The following DCLK1 variants were observed in gnomAD, a reference collection of about 807,000 sequenced individuals.
The protein encoded by DCLK1 is serine/threonine-protein kinase DCLK1.
DCLK1 carries 16 observed loss-of-function variants against 86.2 expected under a neutral mutation model. The observed-to-expected ratio is 0.19, with a 90% CI of 0.13 to 0.28. The LOEUF is 0.28. Ranked by LOEUF, DCLK1 falls within the 10% of genes least tolerant of loss-of-function variation. The probability of loss-of-function intolerance (pLI) is 1.00; values close to 1 mark genes in which losing one functional copy is unlikely to be tolerated. For synonymous variants in DCLK1, 369 were observed against 370.5 expected (o/e 1.00, Z 0.05); for missense variants, 590 against 940.2 (o/e 0.63, Z 4.87).
chr13:35,972,651 C>A (rs1879126372), intron 3 of DCLK1, among the ~76,000 whole-genome samples: 1 of 151,748 alleles, frequency 6.6e-6, no homozygotes, highest in South Asian at 2.1e-4. Context: ...GGGTGGGGGG[C>A]AGCACTGAGA....
chr13:35,841,035 CTAAG>C (rs528804849), intron 6 of DCLK1, among the ~76,000 whole-genome samples: 16 of 152,200 alleles, frequency 1.1e-4, no homozygotes, highest in Non-Finnish European at 1.8e-4. Flanking sequence ...CAGAAAAGCA[CTAAG>C]TAAATGTCTA....
At chr13:35,778,461 C>G (rs897426830) in intron 16 of DCLK1, among the ~76,000 whole-genome samples, 7 of 152,154 alleles carry the variant, frequency 4.6e-5, no homozygotes, top group African/African-American at 1.7e-4. Flanking sequence ...CTCCCACATT[C>G]CATGATCCTG....
chr13:35,932,907 C>T (rs1035459314), intron 4 of DCLK1, among the ~76,000 whole-genome samples: 15 of 152,224 alleles, frequency 9.9e-5, no homozygotes, highest in East Asian at 5.8e-4. Context: ...TCAGCCTTAA[C>T]TCAAAAGTCC....
In DCLK1 at chr13:36,126,058, A is replaced by T; in HGVS notation, c.80T>A (p.Val27Glu). ...KAQRYSRGSR[V>E]NGLPSPTHSA... ...GTGCGTCGGGCTCGGCAGGCCGTTC[A>T]CCCGCGACCCTCGGCTGTATCTCTG... is the stretch of plus-strand genomic sequence containing the variant. Residue 27 changes from valine (V) to glutamate (E), a missense_variant, in exon 2 of 17, where the codon GTG (valine) becomes GAG (glutamate). This residue lies in a region of DCLK1 where 50 missense variants were observed against 47.8 expected (regional missense o/e 1.05). Transcript: ENST00000360631. 1 of 1,612,950 alleles carries T rather than the reference A, an allele frequency of 6.2e-7. No homozygotes were observed. The highest frequency in any genetic ancestry group is 2.2e-5 in the East Asian group (1 of 44,870).
intron 3 of DCLK1, among the ~76,000 whole-genome samples, chr13:36,044,493 T>C (rs1425213774): frequency 1.3e-5 from 2 of 152,166 alleles, no homozygotes; most frequent in African/African-American, 2.4e-5. Context: ...GGAAGTGTAA[T>C]TGGTAGATCA....
intron 4 of DCLK1, among the ~76,000 whole-genome samples, chr13:35,877,054 T>C (rs770753554): frequency 6.6e-6 from 1 of 152,166 alleles, no homozygotes; most frequent in Non-Finnish European, 1.5e-5. Context: ...GTAAGCAACA[T>C]TGAATTAAAT....
chr13:35,924,441 G>C (rs1458232960), intron 4 of DCLK1, among the ~76,000 whole-genome samples: 2 of 152,092 alleles, frequency 1.3e-5, no homozygotes, highest in African/African-American at 4.8e-5. Context: ...CCTGAAGTCA[G>C]GGGTTTGAGA....
Position 36,112,085 on chromosome 13 carries a change from G to C in DCLK1, c.507C>G (p.Ala169=), listed in dbSNP as rs1295968429. ...ASRAVSSLAT[A]KGSPSEVREN... is the part of the protein sequence containing the mutation. ...CTCGCACCTCTGAAGGGCTTCCTTT[G>C]GCAGTGGCCAGTGAAGACACTGCCC... Residue 169 remains alanine (A), a synonymous_variant, in exon 3 of 17, where the codon GCC becomes GCG. Transcript: ENST00000360631. 6.2e-7 allele frequency: 1 copy of C among 1,614,056 alleles called. No homozygotes were observed. The highest frequency in any genetic ancestry group is 8.5e-7 in the Non-Finnish European group (1 of 1,180,046).
rs79934602 is a variant in DCLK1 at position 35,783,314 on chromosome 13, A to T, written c.2059-8615T>A. 3.3e-3 allele frequency among the ~76,000 whole-genome samples: 372 copies of T among 113,834 alleles called. 1 individual carries two copies. Among genetic ancestry groups the T allele is most frequent in the African/African-American group, 0.014 (332 of 23,712 alleles). 74.7% of individuals were successfully genotyped at this position (113,834 alleles called of 152,430 possible). On this transcript the variant is annotated intron_variant, in intron 16 of 16. Coordinates refer to ENST00000360631, the MANE Select transcript of DCLK1 (RefSeq NM_001330071.2). ...TGGAAGTGAGGGAAACAGAAAGCAA[A>T]TTTTTTTTTTTTTAGTTTCTTCTTT...
chr13:36,064,147 T>C (rs780094614), intron 3 of DCLK1, among the ~76,000 whole-genome samples: 20 of 152,208 alleles, frequency 1.3e-4, no homozygotes, highest in Non-Finnish European at 2.6e-4. Flanking sequence ...ATGCACAAGA[T>C]TTTTATTAGA....
At chr13:35,972,444 C>T (rs1332433096) in intron 3 of DCLK1, among the ~76,000 whole-genome samples, 2 of 152,142 alleles carry the variant, frequency 1.3e-5, no homozygotes, top group Non-Finnish European at 2.9e-5. Flanking sequence ...AGCTCACTAC[C>T]TCAGAGCTAC....
chr13:36,123,114 A>C (rs1886049546), intron 2 of DCLK1, among the ~76,000 whole-genome samples: 1 of 152,214 alleles, frequency 6.6e-6, no homozygotes, highest in African/African-American at 2.4e-5. Flanking sequence ...TAAAACTCAA[A>C]CATCATCATA....
intron 4 of DCLK1, among the ~76,000 whole-genome samples, chr13:35,900,328 C>A (rs1053381632): frequency 7.9e-5 from 12 of 151,290 alleles, no homozygotes; most frequent in Non-Finnish European, 5.9e-5. Flanking sequence ...GCAACCTCTG[C>A]CTCCCAGGTT....
intron 3 of DCLK1, among the ~76,000 whole-genome samples, chr13:36,099,370 G>A (rs1885119731): frequency 6.6e-6 from 1 of 152,264 alleles, no homozygotes; most frequent in East Asian, 1.9e-4. Flanking sequence ...CAGTGTTTCG[G>A]CAGTCACATT....
chr13:36,035,755 T>G (rs1470269004), intron 3 of DCLK1, among the ~76,000 whole-genome samples: 1 of 152,166 alleles, frequency 6.6e-6, no homozygotes, highest in Non-Finnish European at 1.5e-5. Flanking sequence ...CTTTTGTCAC[T>G]GGCAAAAGTA....
intron 4 of DCLK1, among the ~76,000 whole-genome samples, chr13:35,895,937 ATTT>A (rs11313026): frequency 5.3e-5 from 8 of 149,956 alleles, no homozygotes; most frequent in African/African-American, 1.5e-4. Flanking sequence ...TTTTTTTATG[ATTT>A]TTTTTTTTGT....
At chr13:35,841,917 C>A (rs754366659) in intron 6 of DCLK1, among the ~76,000 whole-genome samples, 51 of 152,038 alleles carry the variant, frequency 3.4e-4, no homozygotes, top group Non-Finnish European at 1.2e-4. Flanking sequence ...TGCCCCACTT[C>A]CATTCAGAGA....
At chr13:36,064,118 G>A (rs1041267768) in intron 3 of DCLK1, among the ~76,000 whole-genome samples, 4 of 152,248 alleles carry the variant, frequency 2.6e-5, no homozygotes, top group East Asian at 1.9e-4. Context: ...CTATTCACAC[G>A]TGATGTTATT....
chr13:35,774,197 C>G lies in DCLK1; in HGVS notation c.*338G>C, dbSNP rs901526765. On this transcript the variant is annotated 3_prime_UTR_variant, in exon 17 of 17. Transcript: ENST00000360631. ...CCAAACAAGAATTCTCAATAAAATT[C>G]TATGCACTCAGAGGGTTAACAAGTG... The G allele has an allele frequency of 5.3e-6, 1 of 189,866 alleles. No individual in the cohort carries two copies. The highest frequency in any genetic ancestry group is 2.3e-5 in the African/African-American group (1 of 43,094). 11.8% of individuals were successfully genotyped at this position (189,866 alleles called of 1,614,324 possible).
Sources: gnomAD v4.1 joint callset for allele counts (sites outside exome capture counted in the v4.1 genomes callset) on GRCh38, gnomAD v4.1.1 for gene constraint, gnomAD v4.1.1 regional missense constraint, MANE v1.5 for transcripts, NCBI Gene and HGNC (gene_info 2026-07-23, HGNC 2026-07-21) for gene names.